The following SEMA4D variants were observed in gnomAD, a reference collection of about 807,000 sequenced individuals.
The protein encoded by SEMA4D is semaphorin-4D.
SEMA4D carries 22 observed loss-of-function variants against 74.8 expected under a neutral mutation model. The ratio of observed to expected loss-of-function variants is 0.29; its 90% confidence interval spans 0.21 to 0.42. The LOEUF is 0.42. Ranked by LOEUF, SEMA4D falls within the 10% of genes least tolerant of loss-of-function variation. The probability of loss-of-function intolerance (pLI) is 1.00; values close to 1 mark genes in which losing one functional copy is unlikely to be tolerated. For missense variants in SEMA4D, 937 were observed against 1,118.4 expected (o/e 0.84, Z 2.31); for synonymous variants, 445 against 463.7 (o/e 0.96, Z 0.52).
intron 2 of SEMA4D, among the ~76,000 whole-genome samples, chr9:89,454,083 G>T (rs1051491734): frequency 6.6e-6 from 1 of 152,048 alleles, no homozygotes; most frequent in African/African-American, 2.4e-5. Flanking sequence ...GGTCTCGATA[G>T]AATATATGAC....
intron 13 of SEMA4D, among the ~76,000 whole-genome samples, chr9:89,382,064 T>G (rs560485664): frequency 6.6e-6 from 1 of 152,164 alleles, no homozygotes; most frequent in Admixed American, 6.5e-5. Flanking sequence ...TCTCCCACCT[T>G]CTGGGACACT....
chr9:89,450,415 A>G, intron 2 of SEMA4D: 2 of 1,300,414 alleles, frequency 1.5e-6, no homozygotes, highest in Non-Finnish European at 1.1e-6. Context: ...TGTGAAGATG[A>G]GAAGAAGGCT....
intron 1 of SEMA4D, among the ~76,000 whole-genome samples, chr9:89,488,015 T>C (rs772055554): frequency 6.6e-6 from 1 of 152,036 alleles, no homozygotes; most frequent in Non-Finnish European, 1.5e-5. Flanking sequence ...TATAAGAAAA[T>C]GCAAAGGATC....
At chr9:89,469,063 T>C (rs1490735929) in intron 1 of SEMA4D, among the ~76,000 whole-genome samples, 7 of 152,200 alleles carry the variant, frequency 4.6e-5, no homozygotes, top group Non-Finnish European at 1.0e-4. Flanking sequence ...GGTCCTCATA[T>C]GTTAATACAT....
Position 89,388,715 on chromosome 9 carries a change from A to G in SEMA4D, c.1028T>C (p.Met343Thr), listed in dbSNP as rs1031860953. 6.2e-7 allele frequency: 1 copy of G among 1,610,778 alleles called. No homozygotes were observed. The highest frequency in any genetic ancestry group is 8.5e-7 in the Non-Finnish European group (1 of 1,179,324). The stretch of plus-strand genomic sequence containing the variant: ...GGACTGCTCCACTGTGGTGCTCTGC[A>G]TGTACTTCCCGTGGGAGAAGACCTC... ...AEEVFSHGKY[M>T]QSTTVEQSHT... is the part of the protein sequence containing the mutation. The change falls in exon 11 of 16, where the codon ATG becomes ACG. Residue 343 changes from methionine (M) to threonine (T), a missense_variant. Transcript: ENST00000422704.
chr9:89,394,569 C>T (rs1230979225), intron 6 of SEMA4D, among the ~76,000 whole-genome samples: 1 of 152,240 alleles, frequency 6.6e-6, no homozygotes, highest in Non-Finnish European at 1.5e-5. Context: ...CAGCCAACAG[C>T]CTGGGCATGC....
chr9:89,410,721 C>A (rs56346836), intron 2 of SEMA4D, among the ~76,000 whole-genome samples: 6 of 151,990 alleles, frequency 3.9e-5, no homozygotes, highest in Non-Finnish European at 7.4e-5. Flanking sequence ...GGAATAACAG[C>A]GCCCAGGAGC....
chr9:89,418,917 A>G (rs1230813618), intron 2 of SEMA4D: 2 of 152,172 alleles, frequency 1.3e-5, no homozygotes, highest in Non-Finnish European at 2.9e-5. Flanking sequence ...CAGAGCTTAT[A>G]TGATCACGGC....
intron 2 of SEMA4D, among the ~76,000 whole-genome samples, chr9:89,427,443 G>A (rs1848341052): frequency 6.6e-6 from 1 of 152,164 alleles, no homozygotes; most frequent in Non-Finnish European, 1.5e-5. Context: ...GGCCTGGGGA[G>A]TAACCCCTGC....
chr9:89,454,398 T>G (rs1017675712), intron 2 of SEMA4D, among the ~76,000 whole-genome samples: 2 of 152,186 alleles, frequency 1.3e-5, no homozygotes, highest in Non-Finnish European at 2.9e-5. Context: ...CCTAGCTTGG[T>G]GTGGCTGACA....
At chr9:89,476,209 G>A (rs1861703944) in intron 1 of SEMA4D, among the ~76,000 whole-genome samples, 1 of 152,156 alleles carries the variant, frequency 6.6e-6, no homozygotes, top group African/African-American at 2.4e-5. Flanking sequence ...AGGCTTCTGG[G>A]AGCAGGGCAA....
chr9:89,438,028 C>T (rs977303475), intron 2 of SEMA4D, among the ~76,000 whole-genome samples: 1 of 152,202 alleles, frequency 6.6e-6, no homozygotes, highest in Non-Finnish European at 1.5e-5. Flanking sequence ...AGGGCAGGGC[C>T]ATCTCAGCAA....
chr9:89,367,895 C>G (rs143715437), intron 16 of SEMA4D: 1 of 152,450 alleles, frequency 6.6e-6, no homozygotes, highest in African/African-American at 2.4e-5. Context: ...CCTGCTCACT[C>G]CCACCCCAAG....
chr9:89,422,154 A>C (rs780381637), intron 2 of SEMA4D, among the ~76,000 whole-genome samples: 2 of 152,252 alleles, frequency 1.3e-5, no homozygotes, highest in Non-Finnish European at 2.9e-5. Flanking sequence ...TGTCTCCTGT[A>C]CTAACTTTAC....
At chr9:89,450,862 G>T in intron 2 of SEMA4D, 2 of 521,678 alleles carry the variant, frequency 3.8e-6, no homozygotes, top group East Asian at 5.9e-5. Flanking sequence ...CAGCAGAGTG[G>T]GGGTGTCCCT....
intron 2 of SEMA4D, among the ~76,000 whole-genome samples, chr9:89,435,398 C>T (rs964248943): frequency 3.9e-5 from 6 of 152,162 alleles, no homozygotes; most frequent in Non-Finnish European, 7.3e-5. Context: ...AATTCTAGTC[C>T]GAGGACTGGC....
intron 13 of SEMA4D, chr9:89,385,280 CCA>C (rs2132940725): frequency 1.0e-6 from 1 of 985,424 alleles, no homozygotes; most frequent in South Asian, 4.7e-5. Flanking sequence ...TCACGAATGT[CCA>C]CACCAGGGGC....
chr9:89,425,189 T>G (rs75517013), intron 2 of SEMA4D, among the ~76,000 whole-genome samples: 1 of 152,124 alleles, frequency 6.6e-6, no homozygotes, highest in African/African-American at 2.4e-5. Context: ...TTTCCTGCCT[T>G]GCCCAGTGTT....
At chr9:89,367,717 T>C (rs1833901062) in intron 16 of SEMA4D, 1 of 152,278 alleles carries the variant, frequency 6.6e-6, no homozygotes, top group African/African-American at 2.4e-5. Context: ...CCGTAGGTAA[T>C]GATCTTTCTC....
Sources: gnomAD v4.1 joint callset for allele counts (sites outside exome capture counted in the v4.1 genomes callset) on GRCh38, gnomAD v4.1.1 for gene constraint, MANE v1.5 for transcripts, NCBI Gene and HGNC (gene_info 2026-07-23, HGNC 2026-07-21) for gene names.